The following TEKT5 variants were observed in gnomAD, a reference collection of about 807,000 sequenced individuals.
The protein encoded by TEKT5 is tektin-5.
In TEKT5, 52 loss-of-function variants were observed where a neutral mutation model predicts 48.7. That is an observed-to-expected ratio of 1.07 (90% CI 0.86 to 1.35). The LOEUF (loss-of-function observed/expected upper bound fraction) is 1.35. Ranked by LOEUF, TEKT5 falls within the 40% of genes most tolerant of loss-of-function variation. The pLI, the probability that TEKT5 is intolerant of heterozygous loss-of-function variation, is 0.00. For missense variants in TEKT5, 831 were observed against 641.6 expected, an observed-to-expected ratio of 1.30 and a Z score of -3.19; for synonymous variants, 318 against 267.6, an observed-to-expected ratio of 1.19 and a Z score of -1.84.
intron 4 of TEKT5, among the ~76,000 whole-genome samples, chr16:10,681,463 T>C (rs1349908562): frequency 3.9e-5 from 6 of 152,008 alleles, no homozygotes; most frequent in Non-Finnish European, 7.4e-5. Context: ...CCTCCAGCCT[T>C]GGCCTCCCAA....
rs140575773 is a variant in TEKT5, at chr16:10,672,920, A to C, written c.1086+3039T>G. 3.2e-3 allele frequency among the ~76,000 whole-genome samples: 483 copies of C among 151,298 alleles called. 2 individuals are homozygous for C. The highest frequency in any genetic ancestry group is 0.011 in the African/African-American group (457 of 41,184). On this transcript the variant is annotated intron_variant, in intron 5 of 6. Transcript: ENST00000283025. ...CAGGTTGGATGGAGTGCAGTGGTGC[A>C]ATCACAGCTCACTGCAGCCTCCACC...
intron 6 of TEKT5, among the ~76,000 whole-genome samples, chr16:10,628,741 C>T (rs138278476): frequency 1.1e-3 from 171 of 152,046 alleles, no homozygotes; most frequent in African/African-American, 4.1e-3. Context: ...CCCATCTCTA[C>T]TGAAAATACA....
intron 5 of TEKT5, among the ~76,000 whole-genome samples, chr16:10,663,447 G>C (rs1198792547): frequency 2.0e-5 from 3 of 152,214 alleles, no homozygotes; most frequent in African/African-American, 7.2e-5. Flanking sequence ...TTTCCAAGGA[G>C]ATGCTTGGCT....
chr16:10,676,269 C>T (rs556112312), intron 4 of TEKT5, 88 bp from the exon 5 acceptor site: 32 of 1,275,626 alleles, frequency 2.5e-5, no homozygotes, highest in East Asian at 4.8e-5. Flanking sequence ...GCCTCTGGGT[C>T]GGGATTATTC....
intron 1 of TEKT5, among the ~76,000 whole-genome samples, chr16:10,691,010 C>A (rs879768257): frequency 6.6e-6 from 1 of 152,226 alleles, no homozygotes; most frequent in African/African-American, 2.4e-5. Context: ...TGCTCTCACA[C>A]AGCCTGTGTT....
chr16:10,675,765 T>C (rs73511799), intron 5 of TEKT5, among the ~76,000 whole-genome samples, 194 bp downstream of exon 5: 3,612 of 152,190 alleles, frequency 0.024, 143 homozygotes, highest in African/African-American at 0.083. Context: ...CAAGATGGAC[T>C]ATGGATGCTT....
At chr16:10,687,849 G>T (rs181361294) in intron 3 of TEKT5, among the ~76,000 whole-genome samples, 1 of 152,138 alleles carries the variant, frequency 6.6e-6, no homozygotes. Context: ...GCCTTTAAGG[G>T]TACATAGTAG....
Position 10,676,167 on chromosome 16 carries a change from T to C in TEKT5, c.878A>G (p.Glu293Gly), listed in dbSNP as rs756774313. 14 of 1,614,068 alleles carry C rather than the reference T, an allele frequency of 8.7e-6. No homozygotes were observed. In the African/African-American group the frequency reaches 1.9e-4, roughly 22 times the overall value. ...GTCGTTACTGAACTTGGCCCAGGTC[T>C]CAGGTACGGAGATCCTGCAAAGGCA... ...EKIDGTISVP[E>G]TWAKFSNDNI... Residue 293 changes from glutamate to glycine, a missense_variant, in exon 5 of 7, where the codon GAG becomes GGG. Transcript: ENST00000283025.
intron 5 of TEKT5, among the ~76,000 whole-genome samples, chr16:10,660,661 C>CTGTG (rs4028826): frequency 0.026 from 3,799 of 144,314 alleles, 109 homozygotes; most frequent in African/African-American, 0.076. Flanking sequence ...GAGTGCAAGG[C>CTGTG]TGTGTGTGTG....
intron 4 of TEKT5, among the ~76,000 whole-genome samples, chr16:10,677,380 C>T (rs559238923): frequency 3.4e-5 from 5 of 147,198 alleles, no homozygotes; most frequent in South Asian, 2.2e-4. Flanking sequence ...GAGCCCGAGG[C>T]GGGCGGATCA....
At chr16:10,649,061 T>C (rs1898113618) in intron 5 of TEKT5, among the ~76,000 whole-genome samples, 1 of 151,984 alleles carries the variant, frequency 6.6e-6, no homozygotes, top group African/African-American at 2.4e-5. Flanking sequence ...GTGATCCTTC[T>C]GCCTCAGCCA....
chr16:10,633,118 T>C (rs183585321), intron 6 of TEKT5, among the ~76,000 whole-genome samples: 189 of 152,312 alleles, frequency 1.2e-3, no homozygotes, highest in African/African-American at 4.4e-3. Context: ...CCCAGCACTT[T>C]GGGAGGCCAA....
intron 3 of TEKT5, among the ~76,000 whole-genome samples, chr16:10,688,423 T>G (rs969389766): frequency 2.0e-5 from 3 of 152,180 alleles, no homozygotes; most frequent in African/African-American, 7.2e-5. Flanking sequence ...CAGGGCTGAT[T>G]TGGAAGGTGC....
At chr16:10,688,168 A>G (rs1037735320) in intron 3 of TEKT5, among the ~76,000 whole-genome samples, 9 of 151,908 alleles carry the variant, frequency 5.9e-5, no homozygotes, top group African/African-American at 1.9e-4. Flanking sequence ...TTGAACTTCA[A>G]CTCTGTTTGT....
chr16:10,653,901 G>A (rs879601534), intron 5 of TEKT5, among the ~76,000 whole-genome samples: 1 of 152,094 alleles, frequency 6.6e-6, no homozygotes, highest in Non-Finnish European at 1.5e-5. Flanking sequence ...CAATAAGAGT[G>A]AAACTCTGTC....
In TEKT5 at chr16:10,676,072, C is replaced by CAA; in HGVS notation, c.971_972dup (p.Glu325LeufsTer26). 1 of 1,614,254 alleles carries CAA rather than the reference C, an allele frequency of 6.2e-7. No individual in the cohort carries two copies. Among genetic ancestry groups the CAA allele is most frequent in the South Asian group, 1.1e-5 (1 of 91,086 alleles). ...CTCCACATCTGATCCGACAAGGTCT[C>CAA]AAAGAGGTGCTCCGCCTCCTCCCGC... On this transcript the variant is annotated frameshift_variant, in exon 5 of 7. Coordinates refer to ENST00000283025, the MANE Select transcript of TEKT5 (RefSeq NM_144674.2). LOFTEE classifies it high-confidence loss of function.
chr16:10,640,952 T>C (rs1424950858), intron 5 of TEKT5, among the ~76,000 whole-genome samples: 1 of 152,186 alleles, frequency 6.6e-6, no homozygotes, highest in East Asian at 1.9e-4. Context: ...TATCTGAGTC[T>C]TTGGGGAGAT....
At chr16:10,677,671 G>C (rs1181184520) in intron 4 of TEKT5, among the ~76,000 whole-genome samples, 1 of 150,542 alleles carries the variant, frequency 6.6e-6, no homozygotes, top group East Asian at 2.0e-4. Context: ...TAAAGGGCAA[G>C]AGAAAAGGAA....
rs1396515584 is a variant in TEKT5, at chr16:10,684,255, CTCTA to C, written c.720-2123_720-2120del. Among the ~76,000 whole-genome samples, 12 of 152,304 alleles carry C rather than the reference CTCTA, an allele frequency of 7.9e-5. No homozygotes were observed. In the East Asian group the frequency reaches 1.5e-3, roughly 20 times the overall value. ...ACCAGCTAAACCGAGTGTATCTGTT[CTCTA>C]TCTGTCTCTCTGCCTTTCTCTCTCC... On this transcript the variant is annotated intron_variant, in intron 3 of 6. Transcript: ENST00000283025.
Sources: allele counts gnomAD v4.1 joint callset (sites outside exome capture counted in the v4.1 genomes callset), GRCh38; gene constraint gnomAD v4.1.1; transcripts MANE v1.5; gene names NCBI Gene and HGNC (gene_info 2026-07-23, HGNC 2026-07-21).